The following ARHGAP15 variants were observed in gnomAD, a reference collection of about 807,000 sequenced individuals.
The protein encoded by ARHGAP15 is Rho GTPase activating protein 15.
Under a neutral mutation model 63.7 loss-of-function variants are expected in ARHGAP15, and 51 were observed. That is an observed-to-expected ratio of 0.80 (90% CI 0.64 to 1.01). The LOEUF is 1.01. Among genes scored for constraint, ARHGAP15 ranks in the 50% least tolerant of loss-of-function variants. The pLI is 0.00. For missense variants in ARHGAP15, 560 were observed against 564.6 expected, an observed-to-expected ratio of 0.99 and a Z score of 0.08; for synonymous variants, 191 against 193.8, an observed-to-expected ratio of 0.99 and a Z score of 0.12.
At chr2:143,316,938 C>A (rs1211844403) in intron 6 of ARHGAP15, among the ~76,000 whole-genome samples, 1 of 152,118 alleles carries the variant, frequency 6.6e-6, no homozygotes, top group East Asian at 1.9e-4. Flanking sequence ...CAAAATTGAA[C>A]TTACGTAGTT....
chr2:143,587,630 C>A, intron 11 of ARHGAP15: 1 of 423,994 alleles, frequency 2.4e-6, no homozygotes, highest in South Asian at 1.8e-5. Context: ...TTGGCTTTTC[C>A]CTTCCCATAA....
At chr2:143,439,854 A>C (rs56081031) in intron 8 of ARHGAP15, among the ~76,000 whole-genome samples, 37,059 of 152,010 alleles carry the variant, frequency 0.24, 5,376 homozygotes, top group East Asian at 0.63. Flanking sequence ...TATGTTAAAA[A>C]TAAGATTCAT....
At chr2:143,747,742 G>C (rs185088545) in intron 13 of ARHGAP15, among the ~76,000 whole-genome samples, 1 of 152,024 alleles carries the variant, frequency 6.6e-6, no homozygotes, top group Non-Finnish European at 1.5e-5. Flanking sequence ...ACTATATTCC[G>C]TTGTATGGAT....
At chr2:143,239,990 CAAAA>C (rs60960176) in intron 5 of ARHGAP15, among the ~76,000 whole-genome samples, 516 of 26,290 alleles carry the variant, frequency 0.02, 1 homozygote, top group African/African-American at 0.056. Context: ...GACTCTGTCT[CAAAA>C]AAAAAAAAAA....
At chr2:143,139,746 T>C (rs1243418212) in intron 1 of ARHGAP15, among the ~76,000 whole-genome samples, 2 of 152,242 alleles carry the variant, frequency 1.3e-5, no homozygotes, top group South Asian at 2.1e-4. Flanking sequence ...CATTAAAACA[T>C]ACTTTTTCTC....
chr2:143,322,424 G>T (rs113859790), intron 6 of ARHGAP15, among the ~76,000 whole-genome samples: 2 of 152,144 alleles, frequency 1.3e-5, no homozygotes, highest in African/African-American at 2.4e-5. Context: ...AGAGCCCACC[G>T]TAAGTAGCTT....
At chr2:143,319,649 C>T (rs964119358) in intron 6 of ARHGAP15, among the ~76,000 whole-genome samples, 1 of 152,144 alleles carries the variant, frequency 6.6e-6, no homozygotes, top group African/African-American at 2.4e-5. Flanking sequence ...TTTTATGAAA[C>T]TCTTTTCTGA....
chr2:143,220,823 AG>A (rs1692964712), intron 4 of ARHGAP15, among the ~76,000 whole-genome samples: 1 of 152,110 alleles, frequency 6.6e-6, no homozygotes, highest in South Asian at 2.1e-4. Flanking sequence ...TGAATTAATA[AG>A]CAATATTAAT....
intron 12 of ARHGAP15, among the ~76,000 whole-genome samples, chr2:143,669,764 C>T (rs149074774): frequency 5.3e-5 from 8 of 152,320 alleles, no homozygotes; most frequent in Non-Finnish European, 1.2e-4. Context: ...CAGCAAAACA[C>T]TTGCCTCAGG....
At chr2:143,356,058 AAAAG>A (rs988144924) in intron 6 of ARHGAP15, among the ~76,000 whole-genome samples, 5 of 152,044 alleles carry the variant, frequency 3.3e-5, no homozygotes, top group Non-Finnish European at 5.9e-5. Flanking sequence ...TATTAAAAAA[AAAAG>A]AGAGAGAGAG....
chr2:143,289,874 A>G (rs149724106), intron 6 of ARHGAP15, among the ~76,000 whole-genome samples: 43 of 152,322 alleles, frequency 2.8e-4, no homozygotes, highest in African/African-American at 8.9e-4. Context: ...TGGTTTTCAT[A>G]TACCACGTGA....
chr2:143,306,241 G>A (rs557535553), intron 6 of ARHGAP15, among the ~76,000 whole-genome samples: 16 of 152,064 alleles, frequency 1.1e-4, no homozygotes, highest in East Asian at 1.9e-4. Flanking sequence ...ATAGAAAGTC[G>A]TTCTGAGACT....
chr2:143,315,078 C>A (rs1683635583), intron 6 of ARHGAP15, among the ~76,000 whole-genome samples: 1 of 152,130 alleles, frequency 6.6e-6, no homozygotes, highest in African/African-American at 2.4e-5. Context: ...CCTATTTAAT[C>A]CTTCAAGGAG....
chr2:143,198,877 A>G (rs1691994056), intron 2 of ARHGAP15, among the ~76,000 whole-genome samples: 1 of 152,132 alleles, frequency 6.6e-6, no homozygotes, highest in Non-Finnish European at 1.5e-5. Context: ...TTCCAGGAGA[A>G]TTACTTTTGT....
intron 6 of ARHGAP15, among the ~76,000 whole-genome samples, chr2:143,254,575 A>G (rs1680324421): frequency 6.6e-6 from 1 of 151,158 alleles, no homozygotes; most frequent in African/African-American, 2.4e-5. Flanking sequence ...CAACTGATGT[A>G]TCTCTAAAAA....
Position 143,535,938 on chromosome 2 carries a change from T to C in ARHGAP15, c.925+16574T>C, listed in dbSNP as rs182100054. 1.4e-3 allele frequency among the ~76,000 whole-genome samples: 206 copies of C among 152,334 alleles called. 1 individual carries two copies. Among genetic ancestry groups the C allele is most frequent in the African/African-American group, 4.9e-3 (202 of 41,574 alleles). The stretch of plus-strand genomic sequence containing the variant: ...AACGTCTTAGTTTTTTTTAAATTTG[T>C]GGATAATGTATGTTTTTTTCACATA... On this transcript the variant is annotated intron_variant, in intron 10 of 13. Transcript: ENST00000295095.
intron 8 of ARHGAP15, among the ~76,000 whole-genome samples, chr2:143,440,929 A>T (rs1689847471): frequency 6.6e-6 from 1 of 152,188 alleles, no homozygotes; most frequent in African/African-American, 2.4e-5. Flanking sequence ...GGGAAGGCCC[A>T]AATATAATAA....
At chr2:143,706,250 A>G (rs1206820828) in intron 13 of ARHGAP15, among the ~76,000 whole-genome samples, 3 of 152,236 alleles carry the variant, frequency 2.0e-5, no homozygotes, top group Non-Finnish European at 4.4e-5. Flanking sequence ...AGAAGACTAA[A>G]TAAGAAGATT....
intron 9 of ARHGAP15, among the ~76,000 whole-genome samples, chr2:143,502,986 G>T (rs919060742): frequency 1.4e-5 from 2 of 145,102 alleles, no homozygotes; most frequent in Admixed American, 6.7e-5. Context: ...CATGGACATC[G>T]ATCAGAGATC....
Sources: allele counts gnomAD v4.1 joint callset (sites outside exome capture counted in the v4.1 genomes callset), GRCh38; gene constraint gnomAD v4.1.1; transcripts MANE v1.5; gene names NCBI Gene and HGNC (gene_info 2026-07-23, HGNC 2026-07-21).